The following PREX1 variants were observed in gnomAD, a reference collection of about 807,000 sequenced individuals.
The protein encoded by PREX1 is phosphatidylinositol 3,4,5-trisphosphate-dependent Rac exchanger 1 protein.
In PREX1, 41 loss-of-function variants were observed where a neutral mutation model predicts 198.3. The observed-to-expected ratio is 0.21, with a 90% CI of 0.16 to 0.27. The LOEUF (loss-of-function observed/expected upper bound fraction) is 0.27, where lower values mean the gene tolerates loss of function less well. Among genes scored for constraint, PREX1 ranks in the 10% least tolerant of loss-of-function variants. PREX1 has a pLI of 1.00. For missense variants in PREX1, 1,620 were observed against 2,200.7 expected (o/e 0.74, Z 5.28); for synonymous variants, 843 against 887.2 (o/e 0.95, Z 0.89).
intron 1 of PREX1, among the ~76,000 whole-genome samples, chr20:48,806,510 C>T (rs1305941368): frequency 6.6e-6 from 1 of 152,066 alleles, no homozygotes; most frequent in Non-Finnish European, 1.5e-5. Flanking sequence ...GTGCCAGGTA[C>T]CAAATGAAAC....
intron 5 of PREX1, among the ~76,000 whole-genome samples, chr20:48,719,930 C>T (rs1300825713): frequency 6.6e-6 from 1 of 152,144 alleles, no homozygotes; most frequent in African/African-American, 2.4e-5. Context: ...AAAATAAAGA[C>T]CCCACGATGG....
At chr20:48,683,275 C>A (rs1379527566) in intron 10 of PREX1, among the ~76,000 whole-genome samples, 1 of 152,202 alleles carries the variant, frequency 6.6e-6, no homozygotes, top group African/African-American at 2.4e-5. Context: ...GGAAGTATCC[C>A]ACAGCAGCTG....
At chr20:48,755,073 G>A (rs1023328993) in intron 1 of PREX1, among the ~76,000 whole-genome samples, 4 of 152,110 alleles carry the variant, frequency 2.6e-5, no homozygotes, top group Non-Finnish European at 5.9e-5. Flanking sequence ...CCATCACTGG[G>A]GGTTTAGTTA....
the PREX1 span, among the ~76,000 whole-genome samples, chr20:48,879,479 G>A: frequency 6.6e-6 from 1 of 152,150 alleles, no homozygotes; most frequent in Non-Finnish European, 1.5e-5. Context: ...CACCCAACTC[G>A]TCTGTTGGAA....
chr20:48,725,786 G>C (rs1291484716), intron 5 of PREX1, among the ~76,000 whole-genome samples: 3 of 152,198 alleles, frequency 2.0e-5, no homozygotes, highest in Non-Finnish European at 4.4e-5. Context: ...ACTGTCATTG[G>C]ATCAGAGTGG....
intron 7 of PREX1, among the ~76,000 whole-genome samples, chr20:48,693,196 A>G (rs533823708): frequency 2.0e-4 from 30 of 151,172 alleles, no homozygotes; most frequent in African/African-American, 6.6e-4. Flanking sequence ...CCGTCCATCC[A>G]TCCATCCATC....
intron 1 of PREX1, among the ~76,000 whole-genome samples, chr20:48,776,143 C>T (rs2090260220): frequency 1.3e-5 from 2 of 152,242 alleles, no homozygotes; most frequent in Admixed American, 6.5e-5. Flanking sequence ...ACTCCCCTCA[C>T]CCCCTGAGGC....
In PREX1 at chr20:48,714,848, C is replaced by T. The variant is rs117583721; in HGVS notation, c.622-6427G>A. Among the ~76,000 whole-genome samples, 292 of 152,304 alleles carry T rather than the reference C, an allele frequency of 1.9e-3. 12 individuals are homozygous for T. The East Asian group carries it at 0.05, about 26-fold the overall frequency. Reference sequence around the variant, plus strand: ...CATCTCTTATTTGAAAAAGTTCCTACTGCTTCACAGTCTCAGAGGGAGTGC... The same window carrying T: ...CATCTCTTATTTGAAAAAGTTCCTATTGCTTCACAGTCTCAGAGGGAGTGC... On this transcript the variant is annotated intron_variant, in intron 5 of 39. Coordinates refer to ENST00000371941, the MANE Select transcript of PREX1 (RefSeq NM_020820.4).
chr20:48,864,568 T>A, the PREX1 span, among the ~76,000 whole-genome samples: 1 of 152,234 alleles, frequency 6.6e-6, no homozygotes, highest in Non-Finnish European at 1.5e-5. Flanking sequence ...GGTGAAATCA[T>A]GAACCTGAGG....
chr20:48,653,597 G>GC (rs2089518759), intron 19 of PREX1, 100 bp from the exon 20 acceptor site: 4 of 1,455,076 alleles, frequency 2.7e-6, no homozygotes, highest in East Asian at 2.3e-5. Context: ...CCAGACACGC[G>GC]CAAGGACTCC....
chr20:48,784,514 G>A (rs911496357), intron 1 of PREX1, among the ~76,000 whole-genome samples: 2 of 152,114 alleles, frequency 1.3e-5, no homozygotes, highest in African/African-American at 4.8e-5. Flanking sequence ...CTATGTTAGG[G>A]CCCATTTTCA....
intron 4 of PREX1, among the ~76,000 whole-genome samples, chr20:48,727,288 G>C (rs2090014618): frequency 6.6e-6 from 1 of 152,022 alleles, no homozygotes. Flanking sequence ...AAAAAGTACA[G>C]CTCTCTTAGG....
chr20:48,829,852 G>A (rs568619820), upstream of PREX1, among the ~76,000 whole-genome samples: 87 of 152,216 alleles, frequency 5.7e-4, no homozygotes, highest in Admixed American at 1.0e-3. Flanking sequence ...GCCAAGACAC[G>A]TTATTTCTCT....
intron 5 of PREX1, among the ~76,000 whole-genome samples, chr20:48,721,808 G>C (rs4810868): frequency 6.6e-6 from 1 of 152,084 alleles, no homozygotes; most frequent in Non-Finnish European, 1.5e-5. Flanking sequence ...AAGGCATTCG[G>C]AAACAGCTGG....
the PREX1 span, among the ~76,000 whole-genome samples, chr20:48,854,304 G>A: frequency 3.3e-5 from 5 of 152,232 alleles, no homozygotes; most frequent in African/African-American, 1.2e-4. Flanking sequence ...TGCCTGGCCT[G>A]TCTGGCAGAA....
Position 48,652,553 on chromosome 20 carries a change from G to C in PREX1, c.2467+33C>G, listed in dbSNP as rs200507917. 3.9e-4 allele frequency: 614 copies of C among 1,573,888 alleles called. 3 individuals are homozygous for C. The African/African-American group carries it at 7.6e-3, about 19-fold the overall frequency. On this transcript the variant is annotated intron_variant, in intron 21 of 39. Transcript: ENST00000371941. ...CCCCTCCGGAGTCTCAGTCCCTCTG[G>C]AAGCTCCTGTCATGCCATGCCCCGT...
chr20:48,688,858 G>C, intron 9 of PREX1, 54 bp from the exon 10 acceptor site: 9 of 1,607,076 alleles, frequency 5.6e-6, no homozygotes, highest in East Asian at 2.2e-5. Context: ...GGGCAGGGGG[G>C]GTAGGGGGAG....
At chr20:48,863,541 T>C in the PREX1 span, among the ~76,000 whole-genome samples, 19 of 150,876 alleles carry the variant, frequency 1.3e-4, no homozygotes, top group Middle Eastern at 3.4e-3. Flanking sequence ...TTATCCAGAA[T>C]GTCATATAGT....
At chr20:48,845,985 A>C in the PREX1 span, among the ~76,000 whole-genome samples, 1 of 152,300 alleles carries the variant, frequency 6.6e-6, no homozygotes, top group African/African-American at 2.4e-5. Flanking sequence ...TAATAATAAA[A>C]ATGATCACAG....
Sources: allele counts gnomAD v4.1 joint callset (sites outside exome capture counted in the v4.1 genomes callset), GRCh38; gene constraint gnomAD v4.1.1; transcripts MANE v1.5; gene names NCBI Gene and HGNC (gene_info 2026-07-23, HGNC 2026-07-21).